Variants in NOP9 observed in about 807,000 individuals in gnomAD.
NOP9 encodes the protein nucleolar protein 9.
In NOP9, 50 loss-of-function variants were observed where a neutral mutation model predicts 63.0. The observed-to-expected ratio is 0.79, with a 90% CI of 0.63 to 1.00. The LOEUF (loss-of-function observed/expected upper bound fraction) is 1.00. Among genes scored for constraint, NOP9 ranks in the 50% least tolerant of loss-of-function variants. The pLI is 0.00. For synonymous variants in NOP9, 343 were observed against 332.8 expected, an observed-to-expected ratio of 1.03 and a Z score of -0.33; for missense variants, 758 against 803.0, an observed-to-expected ratio of 0.94 and a Z score of 0.68.
At chr14:24,303,504 C>A (rs2041415806) in intron 6 of NOP9, among the ~76,000 whole-genome samples, 1 of 151,690 alleles carries the variant, frequency 6.6e-6, no homozygotes, top group Non-Finnish European at 1.5e-5. Flanking sequence ...AGTCCTGGAA[C>A]AAAAATTGTC....
chr14:24,305,872 G>A lies in NOP9; in HGVS notation c.*777G>A, dbSNP rs2139139834. 1 of 1,581,666 alleles carries A rather than the reference G, an allele frequency of 6.3e-7. No individual in the cohort carries two copies. Among genetic ancestry groups the A allele is most frequent in the Non-Finnish European group, 8.6e-7 (1 of 1,159,772 alleles). ...ACAAGCAAGAGCTAACTAGGGGTAG[G>A]TGGGTGCAAGAGGACGAATTATGGG... On this transcript the variant is annotated 3_prime_UTR_variant, in exon 10 of 10. Transcript: ENST00000267425.
Position 24,303,113 on chromosome 14 carries a change from G to A in NOP9, c.1183G>A (p.Ala395Thr). The change falls in exon 6 of 10, where the codon GCT becomes ACT. Residue 395 changes from alanine to threonine, a missense_variant. By Grantham distance (58) the Ala-to-Thr change is moderately conservative. Coordinates refer to ENST00000267425, the MANE Select transcript of NOP9 (RefSeq NM_174913.3). ...VFEELSPVLE[A>T]VLAQGHPGVV... ...TGAGGAGCTGAGCCCTGTCTTGGAA[G>A]CTGTATTGGCCCAGGGCCACCCAGG... is the stretch of plus-strand genomic sequence containing the variant. 1.9e-6 allele frequency: 3 copies of A among 1,594,028 alleles called. No individual in the cohort carries two copies. Among genetic ancestry groups the A allele is most frequent in the South Asian group, 2.3e-5 (2 of 88,202 alleles).
chr14:24,291,578 T>C, the NOP9 span: 1 of 1,614,188 alleles, frequency 6.2e-7, no homozygotes, highest in Non-Finnish European at 8.5e-7. Context: ...CCACCACACA[T>C]TTGCCACTCA....
the NOP9 span, among the ~76,000 whole-genome samples, chr14:24,283,119 C>T: frequency 6.6e-6 from 1 of 152,226 alleles, no homozygotes; most frequent in Non-Finnish European, 1.5e-5. Flanking sequence ...GCCCCAGCCC[C>T]TCTTAAAGTG....
At chr14:24,301,507 C>G in intron 2 of NOP9, 105 bp from the exon 3 acceptor site, 1 of 1,372,090 alleles carries the variant, frequency 7.3e-7, no homozygotes, top group Non-Finnish European at 1.0e-6. Context: ...TGTACTACAT[C>G]TGTTCTGCAT....
Position 24,307,262 on chromosome 14 carries a change from A to C in NOP9, c.*2167A>C. ...TCCGCTGCTTTTAGCCCTCAGAGGGAGGGGCAGCTGTGTGACTTCAGCCCT... is the reference window on the plus strand; with the variant it reads ...TCCGCTGCTTTTAGCCCTCAGAGGGCGGGGCAGCTGTGTGACTTCAGCCCT... On this transcript the variant is annotated 3_prime_UTR_variant, in exon 10 of 10. Coordinates refer to ENST00000267425, the MANE Select transcript of NOP9 (RefSeq NM_174913.3). The C allele has an allele frequency of 9.8e-6, 12 of 1,219,032 alleles. No homozygotes were observed. The highest frequency in any genetic ancestry group is 1.3e-5 in the Non-Finnish European group (11 of 861,980). 75.5% of individuals were successfully genotyped at this position (1,219,032 alleles called of 1,614,324 possible). A position where few individuals can be genotyped will look rare whatever the true frequency, so the allele number is the denominator to read the frequency against.
At position 24,307,556 on chromosome 14, in the gene NOP9, G is replaced by C; in HGVS notation, c.*2461G>C. On this transcript the variant is annotated 3_prime_UTR_variant, in exon 10 of 10. Coordinates refer to ENST00000267425, the MANE Select transcript of NOP9 (RefSeq NM_174913.3). ...AAAAGTCAAGAAGGGGCGAGGAGGG[G>C]CTTGGTGAGTGTAAAGGGCATGATG... The C allele has an allele frequency of 6.2e-7, 1 of 1,601,588 alleles. No homozygotes were observed. The highest frequency in any genetic ancestry group is 8.5e-7 in the Non-Finnish European group (1 of 1,172,388).
In NOP9 at chr14:24,305,097, G is replaced by T; in HGVS notation, c.*2G>T. 6.7e-7 allele frequency: 1 copy of T among 1,497,914 alleles called. No homozygotes were observed. The highest frequency in any genetic ancestry group is 1.3e-5 in the South Asian group (1 of 76,870). 92.8% of individuals were successfully genotyped at this position (1,497,914 alleles called of 1,614,324 possible). ...TTGAACTCCATACTTGAAGACTGAG[G>T]CTTTGGATCTGGGACTGGGTGTTGA... On this transcript the variant is annotated 3_prime_UTR_variant, in exon 10 of 10. Coordinates refer to ENST00000267425, the MANE Select transcript of NOP9 (RefSeq NM_174913.3).
chr14:24,286,127 C>T, the NOP9 span, among the ~76,000 whole-genome samples: 35 of 152,344 alleles, frequency 2.3e-4, no homozygotes, highest in African/African-American at 8.2e-4. Context: ...GTCAGGCCCT[C>T]AGTGCCCCAT....
rs1015632457 is a variant in NOP9 at position 24,304,546 on chromosome 14, C to T, written c.1701C>T (p.Ala567=). Residue 567 remains alanine, a synonymous_variant, in exon 9 of 10, where the codon GCC becomes GCT. Transcript: ENST00000267425. ...CSRHGSRVLD[A]IWSGAALRAR... The stretch of plus-strand genomic sequence containing the variant: ...GCCATGGCAGCCGTGTGCTAGATGC[C>T]ATCTGGAGTGGAGCAGCCTTGAGGG... 1.2e-6 allele frequency: 2 copies of T among 1,613,874 alleles called. No homozygotes were observed. Among genetic ancestry groups the T allele is most frequent in the African/African-American group, 1.3e-5 (1 of 75,010 alleles).
At position 24,305,496 on chromosome 14, in the gene NOP9, CGAG is replaced by C. The variant is rs2041469532; in HGVS notation, c.*403_*405del. 9.5e-7 allele frequency: 1 copy of C among 1,051,578 alleles called. No homozygotes were observed. Among genetic ancestry groups the C allele is most frequent in the Non-Finnish European group, 1.4e-6 (1 of 724,758 alleles). 65.1% of individuals were successfully genotyped at this position (1,051,578 alleles called of 1,614,324 possible). ...GGCGTTATGCTGAAAGGTTCTGTCA[CGAG>C]GGGATCAGAGGACAGTGGGGAAATT... On this transcript the variant is annotated 3_prime_UTR_variant, in exon 10 of 10. Transcript: ENST00000267425.
the NOP9 span, among the ~76,000 whole-genome samples, chr14:24,286,753 C>T: frequency 6.7e-6 from 1 of 148,522 alleles, no homozygotes; most frequent in Non-Finnish European, 1.5e-5. Flanking sequence ...CCACCATGCC[C>T]AGCTATTTTT....
the NOP9 span, among the ~76,000 whole-genome samples, chr14:24,277,046 G>T: frequency 1.3e-5 from 2 of 152,170 alleles, no homozygotes; most frequent in African/African-American, 4.8e-5. Context: ...GGCTGTGGGG[G>T]GGCAGTGGGC....
the NOP9 span, chr14:24,271,544 G>A: frequency 6.1e-6 from 1 of 164,870 alleles, no homozygotes; most frequent in Admixed American, 6.4e-5. Flanking sequence ...CAGAGCCCAG[G>A]CGCTGGCTAG....
chr14:24,301,575 G>T, intron 2 of NOP9, 37 bp from the exon 3 acceptor site: 1 of 1,608,790 alleles, frequency 6.2e-7, no homozygotes, highest in South Asian at 1.1e-5. Context: ...GGCAGTTTGT[G>T]ATCTCCCCAC....
At position 24,303,229 on chromosome 14, in the gene NOP9, C is replaced by G; in HGVS notation, c.1284+15C>G. On this transcript the variant is annotated intron_variant, in intron 6 of 9. Coordinates refer to ENST00000267425, the MANE Select transcript of NOP9 (RefSeq NM_174913.3). ...TCTTGTTGGAGGTGAGTGGATATTA[C>G]CCACAATCTGTTTATGCCCTCAGTT... 6.2e-7 allele frequency: 1 copy of G among 1,613,916 alleles called. No individual in the cohort carries two copies. The highest frequency in any genetic ancestry group is 8.5e-7 in the Non-Finnish European group (1 of 1,179,906).
the NOP9 span, chr14:24,271,258 G>T: frequency 1.8e-6 from 2 of 1,110,408 alleles, no homozygotes; most frequent in African/African-American, 1.6e-5. Context: ...CCTGGGCAGA[G>T]ACCCCCAGAG....
At chr14:24,284,817 G>T in the NOP9 span, among the ~76,000 whole-genome samples, 6 of 151,866 alleles carry the variant, frequency 4.0e-5, no homozygotes, top group African/African-American at 1.5e-4. Flanking sequence ...GGGCCCAGCC[G>T]CCTGCCTGGG....
chr14:24,298,973 C>T (rs369406238), upstream of NOP9: 76 of 1,611,538 alleles, frequency 4.7e-5, no homozygotes, highest in Non-Finnish European at 6.1e-5. Context: ...AGCAACAACG[C>T]GAAGGGTGTC....
Sources: allele counts gnomAD v4.1 joint callset (sites outside exome capture counted in the v4.1 genomes callset), GRCh38; gene constraint gnomAD v4.1.1; transcripts MANE v1.5; gene names NCBI Gene and HGNC (gene_info 2026-07-23, HGNC 2026-07-21).